DCLK1: variants seen among roughly 807,000 people sequenced by gnomAD.
DCLK1 encodes the protein doublecortin like kinase 1.
Under a neutral mutation model 86.2 loss-of-function variants are expected in DCLK1, and 16 were observed. The ratio of observed to expected loss-of-function variants is 0.19; its 90% confidence interval spans 0.13 to 0.28. The LOEUF is 0.28. DCLK1 is among the 10% of genes least tolerant of loss of function. DCLK1 has a pLI of 1.00. For missense variants in DCLK1, 590 were observed against 940.2 expected, an observed-to-expected ratio of 0.63 and a Z score of 4.87; for synonymous variants, 369 against 370.5, an observed-to-expected ratio of 1.00 and a Z score of 0.05.
intron 4 of DCLK1, among the ~76,000 whole-genome samples, chr13:35,927,623 G>T (rs1050577441): frequency 4.6e-5 from 7 of 152,164 alleles, no homozygotes; most frequent in Admixed American, 2.6e-4. Flanking sequence ...TTCTTCCCAG[G>T]TTCCTGGCAG....
At position 35,855,619 on chromosome 13, in the gene DCLK1, A is replaced by G. The variant is rs17053004; in HGVS notation, c.941-1026T>C. 3.6e-3 allele frequency: 5,593 copies of G among 1,539,758 alleles called. 180 individuals carry two copies. The African/African-American group carries it at 0.067, about 19-fold the overall frequency. Reference sequence around the variant, plus strand: ...ACCCGCGGAAATGGGAATCGGTTGGATGAGTTTAAGGATGGCTAAGGCTGC... The same window carrying G: ...ACCCGCGGAAATGGGAATCGGTTGGGTGAGTTTAAGGATGGCTAAGGCTGC... On this transcript the variant is annotated intron_variant, in intron 5 of 16. Transcript: ENST00000360631.
chr13:35,862,445 C>A (rs1421919073), intron 5 of DCLK1, among the ~76,000 whole-genome samples: 1 of 152,192 alleles, frequency 6.6e-6, no homozygotes, highest in African/African-American at 2.4e-5. Flanking sequence ...TCCAGGATGA[C>A]TACAATGGCC....
intron 16 of DCLK1, among the ~76,000 whole-genome samples, chr13:35,788,587 T>C (rs1182158639): frequency 6.6e-6 from 1 of 152,190 alleles, no homozygotes; most frequent in Non-Finnish European, 1.5e-5. Context: ...TCATATGCCA[T>C]AGAATAGAAA....
intron 4 of DCLK1, among the ~76,000 whole-genome samples, chr13:35,876,663 A>G (rs1251625030): frequency 2.6e-5 from 4 of 152,188 alleles, no homozygotes; most frequent in African/African-American, 9.7e-5. Context: ...AGTAATGTAG[A>G]AAACCTTTTT....
intron 3 of DCLK1, among the ~76,000 whole-genome samples, chr13:35,963,074 C>T (rs1539539): frequency 0.46 from 70,094 of 152,054 alleles, 17,726 homozygotes; most frequent in Non-Finnish European, 0.56. Flanking sequence ...GGACCTTGCA[C>T]TGCAGCGAAT....
At chr13:35,885,735 A>G (rs1593698670) in intron 4 of DCLK1, among the ~76,000 whole-genome samples, 1 of 152,216 alleles carries the variant, frequency 6.6e-6, no homozygotes, top group Admixed American at 6.5e-5. Context: ...ATATTTTTAT[A>G]TATAACTCAG....
chr13:35,881,945 T>C (rs1278246169), intron 4 of DCLK1, among the ~76,000 whole-genome samples: 2 of 152,208 alleles, frequency 1.3e-5, no homozygotes, highest in Non-Finnish European at 2.9e-5. Context: ...GATGGACTCA[T>C]GCGCATAATG....
At chr13:36,013,452 G>A (rs553762763) in intron 3 of DCLK1, among the ~76,000 whole-genome samples, 1 of 152,236 alleles carries the variant, frequency 6.6e-6, no homozygotes, top group South Asian at 2.1e-4. Flanking sequence ...TAACAGACAG[G>A]ACCCTCAGCT....
At chr13:35,973,446 C>T (rs1879166923) in intron 3 of DCLK1, among the ~76,000 whole-genome samples, 1 of 152,148 alleles carries the variant, frequency 6.6e-6, no homozygotes, top group African/African-American at 2.4e-5. Context: ...CTTGATTGGG[C>T]CAGATGTGCC....
At chr13:36,100,579 G>T (rs1885181861) in intron 3 of DCLK1, among the ~76,000 whole-genome samples, 1 of 152,066 alleles carries the variant, frequency 6.6e-6, no homozygotes, top group Non-Finnish European at 1.5e-5. Context: ...TATTTCTAGG[G>T]CTTATTATTT....
chr13:35,923,332 C>G (rs972907780), intron 4 of DCLK1, among the ~76,000 whole-genome samples: 1 of 152,054 alleles, frequency 6.6e-6, no homozygotes, highest in African/African-American at 2.4e-5. Context: ...TGACTTCCAA[C>G]CCGGCTCTGG....
chr13:35,795,689 G>A (rs1365834970), intron 15 of DCLK1, among the ~76,000 whole-genome samples: 1 of 152,178 alleles, frequency 6.6e-6, no homozygotes, highest in African/African-American at 2.4e-5. Context: ...GGGAGGCCGA[G>A]GCAGGTGGAT....
intron 6 of DCLK1, chr13:35,849,275 C>T: frequency 2.0e-6 from 2 of 984,992 alleles, no homozygotes; most frequent in Non-Finnish European, 2.4e-6. Context: ...GGAGATAAAT[C>T]AATAACATTT....
intron 3 of DCLK1, among the ~76,000 whole-genome samples, chr13:36,015,753 C>A (rs1881515509): frequency 6.6e-6 from 1 of 152,176 alleles, no homozygotes. Context: ...AGTGATCATT[C>A]CCAAAGGACT....
intron 4 of DCLK1, among the ~76,000 whole-genome samples, chr13:35,933,895 T>A (rs1593745824): frequency 6.6e-6 from 1 of 152,238 alleles, no homozygotes; most frequent in Non-Finnish European, 1.5e-5. Context: ...CAGAAAATGA[T>A]AGTTCCTTTT....
Position 35,935,365 on chromosome 13 carries a change from G to T in DCLK1, c.823+11993C>A, listed in dbSNP as rs57629778. Reference sequence around the variant, plus strand: ...TGGAGAGATGAAAAACTGCAACAAGGATGGAAAGTTCAAGCATCTTCATGA... The same window carrying T: ...TGGAGAGATGAAAAACTGCAACAAGTATGGAAAGTTCAAGCATCTTCATGA... On this transcript the variant is annotated intron_variant, in intron 4 of 16. Coordinates refer to ENST00000360631, the MANE Select transcript of DCLK1 (RefSeq NM_001330071.2). Among the ~76,000 whole-genome samples the T allele has an allele frequency of 3.7e-3, 562 of 152,274 alleles. 5 individuals are homozygous for T. Among genetic ancestry groups the T allele is most frequent in the African/African-American group, 0.013 (527 of 41,568 alleles).
chr13:35,772,078 A>G lies in DCLK1; in HGVS notation c.*2457T>C. On this transcript the variant is annotated 3_prime_UTR_variant, in exon 17 of 17. Transcript: ENST00000360631. ...TGTTAGAAAGATTGCATTCCATCTGATTACTCAAGATTTCTACTTGACTGG... is the reference window on the plus strand; with the variant it reads ...TGTTAGAAAGATTGCATTCCATCTGGTTACTCAAGATTTCTACTTGACTGG... The G allele has an allele frequency of 6.6e-6, 1 of 152,178 alleles. No individual in the cohort carries two copies. The highest frequency in any genetic ancestry group is 1.9e-4 in the East Asian group (1 of 5,178). The allele number at this position is 152,178 out of a possible 1,614,324, so 9.4% of individuals were successfully genotyped here. A position where few individuals can be genotyped will look rare whatever the true frequency, so the allele number is the denominator to read the frequency against.
chr13:36,013,469 C>G (rs986716473), intron 3 of DCLK1, among the ~76,000 whole-genome samples: 1 of 152,122 alleles, frequency 6.6e-6, no homozygotes, highest in African/African-American at 2.4e-5. Context: ...AGCTGCAGGT[C>G]TTTTGGAATA....
At chr13:36,083,003 A>ATT (rs1884471717) in intron 3 of DCLK1, among the ~76,000 whole-genome samples, 1 of 152,278 alleles carries the variant, frequency 6.6e-6, no homozygotes, top group African/African-American at 2.4e-5. Flanking sequence ...GCTTCTTTAA[A>ATT]TATCTTCTGT....
Sources: gnomAD v4.1 joint callset for allele counts (sites outside exome capture counted in the v4.1 genomes callset) on GRCh38, gnomAD v4.1.1 for gene constraint, MANE v1.5 for transcripts, NCBI Gene and HGNC (gene_info 2026-07-23, HGNC 2026-07-21) for gene names.